The following VAC14 variants were observed in gnomAD, a reference collection of about 807,000 sequenced individuals.
VAC14 encodes VAC14 component of PIKFYVE complex.
A neutral mutation model predicts 85.3 loss-of-function variants in VAC14; 47 were observed. The ratio of observed to expected loss-of-function variants is 0.55; its 90% CI spans 0.44 to 0.70. The LOEUF is 0.70. VAC14 is among the 30% of genes least tolerant of loss of function. VAC14 has a pLI of 0.00. For synonymous variants in VAC14, 447 were observed against 430.5 expected (o/e 1.04, Z -0.47); for missense variants, 861 against 1,004.3 (o/e 0.86, Z 1.93).
chr16:70,783,573 C>A lies in VAC14; in HGVS notation c.595-19G>T, dbSNP rs1197743598. On this transcript the variant is annotated intron_variant, in intron 5 of 18. Transcript: ENST00000261776. ...CCAGGATCTGACCAGGGGAAGGGAACAGGAGGGGAAGTCAGCTCCAGAACC... is the reference window on the plus strand; with the variant it reads ...CCAGGATCTGACCAGGGGAAGGGAAAAGGAGGGGAAGTCAGCTCCAGAACC... 4 of 1,611,578 alleles carry A rather than the reference C, an allele frequency of 2.5e-6. No individual in the cohort carries two copies. The Admixed American group carries it at 6.7e-5, about 27-fold the overall frequency.
intron 18 of VAC14, chr16:70,690,625 T>C: frequency 7.1e-6 from 7 of 984,376 alleles, no homozygotes; most frequent in South Asian, 4.7e-5. Context: ...GGGCGAGGAG[T>C]GTACAAAACT....
chr16:70,782,129 T>A, intron 7 of VAC14, 126 bp from the exon 8 acceptor site: 1 of 1,287,814 alleles, frequency 7.8e-7, no homozygotes, highest in Non-Finnish European at 1.1e-6. Context: ...GCTTCCAGCC[T>A]CACCAATGCT....
chr16:70,694,249 C>A (rs1210599426), intron 17 of VAC14, among the ~76,000 whole-genome samples: 1 of 152,180 alleles, frequency 6.6e-6, no homozygotes, highest in Admixed American at 6.5e-5. Context: ...TTCTGGAATG[C>A]CAAGAATGTA....
chr16:70,698,853 G>A (rs773194667), intron 14 of VAC14, 42 bp from the exon 15 acceptor site: 1 of 1,606,270 alleles, frequency 6.2e-7, no homozygotes, highest in African/African-American at 1.3e-5. Context: ...AGGCCGACCT[G>A]GAAGGCTCTG....
At chr16:70,708,330 G>A (rs1178308536) in intron 14 of VAC14, among the ~76,000 whole-genome samples, 1 of 152,206 alleles carries the variant, frequency 6.6e-6, no homozygotes, top group African/African-American at 2.4e-5. Context: ...GGCAATGGGG[G>A]AGATGAATGC....
In VAC14 at chr16:70,687,865, G is replaced by A; in HGVS notation, c.*63C>T. 24 of 1,385,110 alleles carry A rather than the reference G, an allele frequency of 1.7e-5. No homozygotes were observed. The highest frequency in any genetic ancestry group is 2.3e-5 in the Non-Finnish European group (24 of 1,059,404). The allele number at this position is 1,385,110 out of a possible 1,614,324, so 85.8% of individuals were successfully genotyped here. On this transcript the variant is annotated 3_prime_UTR_variant, in exon 19 of 19. Coordinates refer to ENST00000261776, the MANE Select transcript of VAC14 (RefSeq NM_018052.5). ...AGGCAGGTCCTTGAGCTCCTCGGGAGGGCGTGACGACCCTTAGTGTTTCAT... is the reference window on the plus strand; with the variant it reads ...AGGCAGGTCCTTGAGCTCCTCGGGAAGGCGTGACGACCCTTAGTGTTTCAT...
intron 14 of VAC14, among the ~76,000 whole-genome samples, chr16:70,708,243 T>C (rs1470526597): frequency 6.6e-6 from 1 of 152,202 alleles, no homozygotes; most frequent in Non-Finnish European, 1.5e-5. Flanking sequence ...CCTAAGGTGG[T>C]ACTTGGCCCC....
Position 70,692,670 on chromosome 16 carries a change from G to GT in VAC14, c.2186+150_2186+151insA, listed in dbSNP as rs780244081. On this transcript the variant is annotated intron_variant, in intron 18 of 18. Transcript: ENST00000261776. The stretch of plus-strand genomic sequence containing the variant: ...ACAAGAGGCCAAGGGGCAAGTGGCT[G>GT]CGGGGGGGATGGTGGTCACAGTGAC... The GT allele has an allele frequency of 3.2e-3, 3,277 of 1,033,810 alleles. 11 individuals are homozygous for GT. Among genetic ancestry groups the GT allele is most frequent in the Non-Finnish European group, 3.7e-3 (2,672 of 720,762 alleles). 64.0% of individuals were successfully genotyped at this position (1,033,810 alleles called of 1,614,324 possible).
intron 12 of VAC14, among the ~76,000 whole-genome samples, chr16:70,758,277 T>C (rs1024430815): frequency 6.6e-6 from 1 of 152,130 alleles, no homozygotes; most frequent in African/African-American, 2.4e-5. Flanking sequence ...GGGGTTACGC[T>C]TTCTCTTTAA....
chr16:70,697,266 G>A lies in VAC14; in HGVS notation c.1837-9C>T, dbSNP rs2053731596. ...AACAGGTTCTGGCTCTCCTGTGGGG[G>A]AACAGGCATGAGCCGTGAGGACACG... On this transcript the variant is annotated splice_polypyrimidine_tract_variant and intron_variant, in intron 15 of 18. Coordinates refer to ENST00000261776, the MANE Select transcript of VAC14 (RefSeq NM_018052.5). 6.2e-7 allele frequency: 1 copy of A among 1,609,922 alleles called. No homozygotes were observed. Among genetic ancestry groups the A allele is most frequent in the Non-Finnish European group, 8.5e-7 (1 of 1,176,658 alleles).
At position 70,762,354 on chromosome 16, in the gene VAC14, C is replaced by T. The variant is rs143369423; in HGVS notation, c.1371+186G>A. On this transcript the variant is annotated intron_variant, in intron 12 of 18. Transcript: ENST00000261776. This position sits in a 1 kb window ranked among gnomAD's most constrained non-coding sequence, Gnocchi z 4.1. Reference sequence around the variant, plus strand: ...AACTCCTGGCCTCAAGTGATCCACCCACCTTGGCCTCCCAGAGTGCTGGAA... The same window carrying T: ...AACTCCTGGCCTCAAGTGATCCACCTACCTTGGCCTCCCAGAGTGCTGGAA... Among the ~76,000 whole-genome samples, 149 of 152,306 alleles carry T rather than the reference C, an allele frequency of 9.8e-4. No homozygotes were observed. Among genetic ancestry groups the T allele is most frequent in the African/African-American group, 2.6e-3 (107 of 41,572 alleles).
intron 12 of VAC14, among the ~76,000 whole-genome samples, chr16:70,754,465 T>C (rs552112709): frequency 1.3e-5 from 2 of 152,172 alleles, no homozygotes; most frequent in East Asian, 1.9e-4. Context: ...GTGGCTGGAG[T>C]CTAGCTGCTT....
At chr16:70,696,436 C>T (rs1567521298) in intron 16 of VAC14, among the ~76,000 whole-genome samples, 1 of 152,328 alleles carries the variant, frequency 6.6e-6, no homozygotes, top group East Asian at 1.9e-4. Flanking sequence ...TCACTTAAAC[C>T]CAGGAGGCGG....
intron 9 of VAC14, among the ~76,000 whole-genome samples, chr16:70,776,396 C>A (rs958817774): frequency 1.3e-5 from 2 of 152,220 alleles, no homozygotes; most frequent in African/African-American, 4.8e-5. Context: ...AGGCATGAGC[C>A]ACTGCACCTG....
chr16:70,753,288 A>C (rs2031550670), intron 12 of VAC14, among the ~76,000 whole-genome samples: 1 of 152,232 alleles, frequency 6.6e-6, no homozygotes, highest in Non-Finnish European at 1.5e-5. Context: ...GGACGGTCCC[A>C]GTCCTCTACA....
rs549303107 is a variant in VAC14, at chr16:70,701,402, G to A, written c.1662-2591C>T. Among the ~76,000 whole-genome samples, 6 of 152,250 alleles carry A rather than the reference G, an allele frequency of 3.9e-5. No homozygotes were observed. In the South Asian group the frequency reaches 1.2e-3, roughly 32 times the overall value. ...AACCCCCTCCTCATCTCAGTAAACGGTGGCACTGTCCACCCAGCTGCTCAG... is the reference window on the plus strand; with the variant it reads ...AACCCCCTCCTCATCTCAGTAAACGATGGCACTGTCCACCCAGCTGCTCAG... On this transcript the variant is annotated intron_variant, in intron 14 of 18. Transcript: ENST00000261776.
At chr16:70,690,283 G>A in intron 18 of VAC14, 1 of 985,466 alleles carries the variant, frequency 1.0e-6, no homozygotes, top group South Asian at 4.7e-5. Flanking sequence ...CACTGCCTGG[G>A]CTGCTGAGCA....
At chr16:70,731,765 C>T in intron 13 of VAC14, 138 bp from the exon 14 acceptor site, 2 of 965,204 alleles carry the variant, frequency 2.1e-6, no homozygotes, top group Non-Finnish European at 2.9e-6. Context: ...GGGAAAATCT[C>T]TAATCAAGAG....
intron 14 of VAC14, among the ~76,000 whole-genome samples, chr16:70,707,608 C>T (rs1340713057): frequency 6.6e-6 from 1 of 152,052 alleles, no homozygotes; most frequent in East Asian, 1.9e-4. Context: ...GCAGCTGAAG[C>T]CTCAGCCCCC....
Sources: gnomAD v4.1 joint callset for allele counts (sites outside exome capture counted in the v4.1 genomes callset) on GRCh38, gnomAD v4.1.1 for gene constraint, Gnocchi (gnomAD v3.1) non-coding constraint, MANE v1.5 for transcripts, NCBI Gene and HGNC (gene_info 2026-07-23, HGNC 2026-07-21) for gene names.